Variants in ABCA9 observed in about 807,000 individuals in gnomAD.
The protein encoded by ABCA9 is ATP binding cassette subfamily A member 9, also known as ATP-binding cassette sub-family A member 9.
In ABCA9, 183 loss-of-function variants were observed where a neutral mutation model predicts 205.3. That is an observed-to-expected ratio of 0.89 (90% CI 0.79 to 1.01). The LOEUF (loss-of-function observed/expected upper bound fraction) is 1.01. Ranked by LOEUF, ABCA9 falls within the 50% of genes least tolerant of loss-of-function variation. The pLI, the probability that ABCA9 is intolerant of heterozygous loss-of-function variation, is 0.00. For synonymous variants in ABCA9, 651 were observed against 683.3 expected, an observed-to-expected ratio of 0.95 and a Z score of 0.74; for missense variants, 1,805 against 1,912.4, an observed-to-expected ratio of 0.94 and a Z score of 1.05.
intron 22 of ABCA9, among the ~76,000 whole-genome samples, chr17:69,013,568 C>A (rs2070464644): frequency 6.6e-6 from 1 of 152,126 alleles, no homozygotes; most frequent in African/African-American, 2.4e-5. Context: ...TTCATCTTGA[C>A]AACCAGCTTC....
At chr17:69,032,024 G>T in intron 10 of ABCA9, 84 bp downstream of exon 10, 1 of 1,369,384 alleles carries the variant, frequency 7.3e-7, no homozygotes, top group Non-Finnish European at 1.0e-6. Context: ...CACAGAAGGC[G>T]ATCTTTGCTC....
chr17:69,006,053 C>A (rs1352291308), intron 25 of ABCA9, among the ~76,000 whole-genome samples: 1 of 152,088 alleles, frequency 6.6e-6, no homozygotes, highest in Admixed American at 6.5e-5. Flanking sequence ...AAACATATAG[C>A]TAATTTTTTT....
chr17:68,992,979 C>T, intron 27 of ABCA9, 37 bp downstream of exon 27: 1 of 1,503,494 alleles, frequency 6.7e-7, no homozygotes, highest in South Asian at 1.2e-5. Context: ...AGTTGTGTTC[C>T]CTCATGCAAG....
At chr17:68,995,631 T>TTCCCAGC (rs2069592634) in intron 26 of ABCA9, among the ~76,000 whole-genome samples, 1 of 152,176 alleles carries the variant, frequency 6.6e-6, no homozygotes. Flanking sequence ...GGCCTCCCAG[T>TTCCCAGC]AGGGTTCCCA....
intron 36 of ABCA9, among the ~76,000 whole-genome samples, chr17:68,983,414 T>G (rs962744574): frequency 6.6e-6 from 1 of 152,196 alleles, no homozygotes; most frequent in Non-Finnish European, 1.5e-5. Context: ...TGAGGGATGG[T>G]TTTACCCTCT....
chr17:69,018,411 A>G lies in ABCA9; in HGVS notation c.2767+2T>C. On this transcript the variant is annotated splice_donor_variant, in intron 20 of 38. Transcript: ENST00000340001. LOFTEE classifies it high-confidence loss of function. ...ACAGCTGCATTTCAGCCCCATGTTC[A>G]CCTGTCTTATTGATGACCAGTAAAT... The G allele has an allele frequency of 6.5e-7, 1 of 1,544,408 alleles. No homozygotes were observed. The highest frequency in any genetic ancestry group is 8.7e-7 in the Non-Finnish European group (1 of 1,151,932).
the ABCA9 span, among the ~76,000 whole-genome samples, chr17:69,069,215 G>A: frequency 6.6e-6 from 1 of 152,124 alleles, no homozygotes; most frequent in East Asian, 1.9e-4. Context: ...AAAATCCAGA[G>A]AAACAAGTGA....
At chr17:69,061,265 C>G (rs2072239351), upstream of ABCA9, 1 of 600,240 alleles carries the variant, frequency 1.7e-6, no homozygotes, top group African/African-American at 2.0e-5. Context: ...ATGATTTAAA[C>G]AAAGATAAGT....
In ABCA9 at chr17:68,984,226, T is replaced by A. The variant is rs554931111; in HGVS notation, c.4380-51A>T. Reference sequence around the variant, plus strand: ...GAACTCATGGGAATGCTCAAGGTATTTGGAATTTTAAAAAGAAGTTTCCAT... The same window carrying A: ...GAACTCATGGGAATGCTCAAGGTATATGGAATTTTAAAAAGAAGTTTCCAT... On this transcript the variant is annotated intron_variant, in intron 34 of 38. Transcript: ENST00000340001. 7 of 1,586,376 alleles carry A rather than the reference T, an allele frequency of 4.4e-6. No homozygotes were observed. The Admixed American group carries it at 1.1e-4, about 25-fold the overall frequency.
chr17:69,054,627 A>G (rs960372833), intron 1 of ABCA9, among the ~76,000 whole-genome samples: 1 of 151,954 alleles, frequency 6.6e-6, no homozygotes, highest in South Asian at 2.1e-4. Context: ...ACTTTTTCTT[A>G]TTTTTAACTG....
At chr17:69,025,685 T>A (rs1453661963) in intron 16 of ABCA9, among the ~76,000 whole-genome samples, 5 of 152,252 alleles carry the variant, frequency 3.3e-5, no homozygotes, top group African/African-American at 4.8e-5. Flanking sequence ...AATCATTTTT[T>A]AAAAAATATC....
At chr17:69,043,404 T>A in intron 6 of ABCA9, 85 bp downstream of exon 6, 1 of 1,173,468 alleles carries the variant, frequency 8.5e-7, no homozygotes, top group Non-Finnish European at 1.2e-6. Flanking sequence ...GGCCTGGGGC[T>A]TGGGGACCCC....
In ABCA9 at chr17:69,023,051, T is replaced by A. The variant is rs776810283; in HGVS notation, c.2281+1163A>T. The A allele has an allele frequency of 6.6e-6, 1 of 152,356 alleles. No homozygotes were observed. Among genetic ancestry groups the A allele is most frequent in the South Asian group, 2.1e-4 (1 of 4,830 alleles). The allele number at this position is 152,356 out of a possible 1,614,324, so 9.4% of individuals were successfully genotyped here. The stretch of plus-strand genomic sequence containing the variant: ...TATAAGGATACATATCTCAAAGATA[T>A]TGTGTATGCACTGTGAACCATTATT... On this transcript the variant is annotated intron_variant, in intron 17 of 38. Coordinates refer to ENST00000340001, the MANE Select transcript of ABCA9 (RefSeq NM_080283.4). This position sits in a 1 kb window ranked among gnomAD's most constrained non-coding sequence, Gnocchi z 4.2.
chr17:68,990,449 A>G (rs2069410686), intron 29 of ABCA9, among the ~76,000 whole-genome samples: 1 of 152,236 alleles, frequency 6.6e-6, no homozygotes, highest in Non-Finnish European at 1.5e-5. Flanking sequence ...TGGTGCAAGT[A>G]TATCTCACTG....
rs1252928301 is a variant in ABCA9 at position 69,012,108 on chromosome 17, G to A, written c.3040-25C>T. On this transcript the variant is annotated intron_variant, in intron 22 of 38. Transcript: ENST00000340001. ...CCTGAAATCATGTGGAACATGGTGA[G>A]CTGATGGCGATTGGGCATCTGTTTC... is the stretch of plus-strand genomic sequence containing the variant. 5 of 1,518,660 alleles carry A rather than the reference G, an allele frequency of 3.3e-6. No individual in the cohort carries two copies. The South Asian group carries it at 4.6e-5, about 14-fold the overall frequency. The allele number at this position is 1,518,660 out of a possible 1,614,324, so 94.1% of individuals were successfully genotyped here.
chr17:69,049,637 C>T (rs553552600), intron 2 of ABCA9, 147 bp from the exon 3 acceptor site: 108 of 685,378 alleles, frequency 1.6e-4, no homozygotes, highest in Middle Eastern at 8.3e-4. Context: ...TCCTGATTTT[C>T]TTTGTCCATT....
chr17:69,067,086 T>G, the ABCA9 span, among the ~76,000 whole-genome samples: 22 of 152,234 alleles, frequency 1.4e-4, no homozygotes, highest in African/African-American at 5.1e-4. Context: ...TGGAATAAAC[T>G]GAGTTACTCA....
At chr17:69,044,993 C>T (rs1285276703) in intron 4 of ABCA9, among the ~76,000 whole-genome samples, 179 bp downstream of exon 4, 1 of 152,030 alleles carries the variant, frequency 6.6e-6, no homozygotes, top group African/African-American at 2.4e-5. Flanking sequence ...CTTAATAAAA[C>T]AATGTACTTA....
chr17:69,017,747 T>A lies in ABCA9; in HGVS notation c.2810A>T (p.Asn937Ile). The A allele has an allele frequency of 3.7e-6, 6 of 1,613,476 alleles. No homozygotes were observed. Among genetic ancestry groups the A allele is most frequent in the Non-Finnish European group, 5.1e-6 (6 of 1,179,502 alleles). ...DNFLHSLRRQ[N>I]IAIEVDAFGT... ...AAAGGCATCCACTTCTATAGCTATG[T>A]TCTGTCGCCTCAGTGAATGTAAAAA... The change falls in exon 21 of 39, where the codon AAC (asparagine) becomes ATC (isoleucine). Residue 937 changes from asparagine (N) to isoleucine (I), a missense_variant. Transcript: ENST00000340001.
Sources: gnomAD v4.1 joint callset for allele counts (sites outside exome capture counted in the v4.1 genomes callset) on GRCh38, gnomAD v4.1.1 for gene constraint, Gnocchi (gnomAD v3.1) non-coding constraint, MANE v1.5 for transcripts, NCBI Gene and HGNC (gene_info 2026-07-23, HGNC 2026-07-21) for gene names.